The following EPHA5 variants were observed in gnomAD, a reference collection of about 807,000 sequenced individuals.
EPHA5 encodes the protein EPH receptor A5.
Under a neutral mutation model 105.0 loss-of-function variants are expected in EPHA5, and 60 were observed. The observed-to-expected ratio is 0.57, with a 90% CI of 0.46 to 0.71. The LOEUF is 0.71. Ranked by LOEUF, EPHA5 falls within the 30% of genes least tolerant of loss-of-function variation. The pLI is 0.00. For missense variants in EPHA5, 1,218 were observed against 1,274.7 expected, an observed-to-expected ratio of 0.96 and a Z score of 0.68; for synonymous variants, 513 against 449.1, an observed-to-expected ratio of 1.14 and a Z score of -1.80.
chr4:65,493,381 C>T (rs891495516), intron 4 of EPHA5, among the ~76,000 whole-genome samples: 1 of 149,276 alleles, frequency 6.7e-6, no homozygotes, highest in Non-Finnish European at 1.5e-5. Context: ...GATTTAAAAA[C>T]TTTGTATATT....
chr4:65,585,610 A>C (rs1230712937), intron 3 of EPHA5, among the ~76,000 whole-genome samples: 1 of 151,954 alleles, frequency 6.6e-6, no homozygotes, highest in East Asian at 1.9e-4. Context: ...GAACAAAGCA[A>C]GAACACTTAT....
intron 1 of EPHA5, among the ~76,000 whole-genome samples, chr4:65,662,205 C>T (rs554401648): frequency 6.6e-6 from 1 of 152,160 alleles, no homozygotes; most frequent in African/African-American, 2.4e-5. Flanking sequence ...AGACATTACC[C>T]ATCTCTGAGT....
At chr4:65,637,952 A>G (rs1560805608) in intron 2 of EPHA5, among the ~76,000 whole-genome samples, 1 of 152,142 alleles carries the variant, frequency 6.6e-6, no homozygotes, top group Admixed American at 6.5e-5. Context: ...TGCAGGTGCA[A>G]TGATTGTTTT....
At chr4:65,452,581 C>CAAAAA (rs34579426) in intron 5 of EPHA5, among the ~76,000 whole-genome samples, 1 of 139,908 alleles carries the variant, frequency 7.1e-6, no homozygotes, top group African/African-American at 2.7e-5. Context: ...GCTAAAATAC[C>CAAAAA]AAAAAAAAAA....
At chr4:65,561,066 C>T (rs1273103803) in intron 3 of EPHA5, among the ~76,000 whole-genome samples, 1 of 151,694 alleles carries the variant, frequency 6.6e-6, no homozygotes. Context: ...TTATCGGTAC[C>T]AATTAAGTAT....
Position 65,368,943 on chromosome 4 carries a change from T to G in EPHA5, c.1794-1519A>C, listed in dbSNP as rs1168213140. On this transcript the variant is annotated intron_variant, in intron 8 of 16. Coordinates refer to ENST00000613740, the MANE Select transcript of EPHA5 (RefSeq NM_001281766.3). ...TTCCATTTTTTCCTTCTTCACGTTT[T>G]TCCCAATACTTAAACTTAATGTAGT... 2.0e-5 allele frequency among the ~76,000 whole-genome samples: 3 copies of G among 152,194 alleles called. No homozygotes were observed. The East Asian group carries it at 5.8e-4, about 29-fold the overall frequency.
At chr4:65,595,067 AG>A (rs1042731818) in intron 3 of EPHA5, among the ~76,000 whole-genome samples, 4 of 151,870 alleles carry the variant, frequency 2.6e-5, no homozygotes, top group Non-Finnish European at 5.9e-5. Context: ...CTGCACTGGA[AG>A]CTCCCTCTGT....
At chr4:65,641,966 A>T (rs1372675762) in intron 2 of EPHA5, among the ~76,000 whole-genome samples, 2 of 152,106 alleles carry the variant, frequency 1.3e-5, no homozygotes, top group Non-Finnish European at 2.9e-5. Context: ...AAATTGAGTA[A>T]TTGTCTTCAA....
chr4:65,462,531 T>A (rs547034583), intron 5 of EPHA5, among the ~76,000 whole-genome samples: 4 of 152,270 alleles, frequency 2.6e-5, no homozygotes, highest in African/African-American at 9.6e-5. Context: ...ACTAGGCTTG[T>A]CCAAGATAGC....
At chr4:65,349,876 A>G (rs900152880) in intron 13 of EPHA5, among the ~76,000 whole-genome samples, 1 of 152,102 alleles carries the variant, frequency 6.6e-6, no homozygotes, top group African/African-American at 2.4e-5. Flanking sequence ...ACCTTAGCCC[A>G]TAATTTTTCT....
chr4:65,579,377 A>ATATATATAT (rs1560727039), intron 3 of EPHA5, among the ~76,000 whole-genome samples: 1 of 92,272 alleles, frequency 1.1e-5, no homozygotes, highest in African/African-American at 3.9e-5. Flanking sequence ...TATATATATA[A>ATATATATAT]ATATATATAT....
At chr4:65,374,951 C>T (rs79472228) in intron 8 of EPHA5, among the ~76,000 whole-genome samples, 5,697 of 151,852 alleles carry the variant, frequency 0.038, 350 homozygotes, top group African/African-American at 0.13. Context: ...CTTCTCAGCT[C>T]TTAATATTTA....
chr4:65,390,045 T>C (rs1250251835), intron 8 of EPHA5, among the ~76,000 whole-genome samples: 1 of 152,068 alleles, frequency 6.6e-6, no homozygotes, highest in Admixed American at 6.6e-5. Context: ...TCTATCTTGG[T>C]CCAAGAGTAC....
chr4:65,654,125 C>T (rs963273190), intron 1 of EPHA5, among the ~76,000 whole-genome samples: 3 of 151,434 alleles, frequency 2.0e-5, no homozygotes, highest in African/African-American at 7.3e-5. Context: ...CTGGCAGATG[C>T]ATTAGCATTC....
At chr4:65,352,273 A>G (rs1451480658) in intron 12 of EPHA5, among the ~76,000 whole-genome samples, 5 of 151,996 alleles carry the variant, frequency 3.3e-5, no homozygotes, top group Non-Finnish European at 7.4e-5. Context: ...TTTTCAGTGG[A>G]CCATTATCAA....
rs1443656128 is a variant in EPHA5 at position 65,458,270 on chromosome 4, G to C, written c.1402+32107C>G. Among the ~76,000 whole-genome samples, 7 of 151,906 alleles carry C rather than the reference G, an allele frequency of 4.6e-5. 1 individual carries two copies. The highest frequency in any genetic ancestry group is 1.0e-4 in the Non-Finnish European group (7 of 67,986). The stretch of plus-strand genomic sequence containing the variant: ...TTGTAATGGCTCTTCAATGCATAGA[G>C]AATTAAATGAAATATTTATATTCTA... On this transcript the variant is annotated intron_variant, in intron 5 of 16. Coordinates refer to ENST00000613740, the MANE Select transcript of EPHA5 (RefSeq NM_001281766.3).
rs1215155191 is a variant in EPHA5, at chr4:65,614,283, C to T, written c.247-11979G>A. The stretch of plus-strand genomic sequence containing the variant: ...AACTGCCTTTTTCTCTGCTTATCAA[C>T]ACAATCCCTTTTGCCAATGTATTCT... On this transcript the variant is annotated intron_variant, in intron 2 of 16. Coordinates refer to ENST00000613740, the MANE Select transcript of EPHA5 (RefSeq NM_001281766.3). 2.0e-5 allele frequency among the ~76,000 whole-genome samples: 3 copies of T among 151,976 alleles called. No individual in the cohort carries two copies. In the East Asian group the frequency reaches 5.8e-4, roughly 29 times the overall value.
chr4:65,662,613 C>G (rs1459184587), intron 1 of EPHA5, among the ~76,000 whole-genome samples: 2 of 152,020 alleles, frequency 1.3e-5, no homozygotes, highest in Non-Finnish European at 1.5e-5. Flanking sequence ...ACAAAATGAA[C>G]TAGGGATTTA....
chr4:65,491,463 G>A (rs979824956), intron 4 of EPHA5, among the ~76,000 whole-genome samples: 13 of 151,784 alleles, frequency 8.6e-5, no homozygotes, highest in Admixed American at 2.6e-4. Flanking sequence ...AGATTTTGAA[G>A]GATCAATAGA....
Sources: allele counts gnomAD v4.1 joint callset (sites outside exome capture counted in the v4.1 genomes callset), GRCh38; gene constraint gnomAD v4.1.1; transcripts MANE v1.5; gene names NCBI Gene and HGNC (gene_info 2026-07-23, HGNC 2026-07-21).